The following C1orf21 variants were observed in gnomAD, a reference collection of about 807,000 sequenced individuals.
C1orf21 encodes chromosome 1 open reading frame 21, also known as uncharacterized protein C1orf21.
Under a neutral mutation model 18.7 loss-of-function variants are expected in C1orf21, and 3 were observed. The ratio of observed to expected loss-of-function variants is 0.16; its 90% confidence interval spans 0.07 to 0.42. The LOEUF is 0.42. Among genes scored for constraint, C1orf21 ranks in the 10% least tolerant of loss-of-function variants. The pLI is 0.99. For missense variants in C1orf21, 104 were observed against 143.6 expected (o/e 0.72, Z 1.41); for synonymous variants, 41 against 46.4 (o/e 0.88, Z 0.47).
chr1:184,467,987 G>GGTGTGTGTGT (rs71782493), intron 1 of C1orf21, among the ~76,000 whole-genome samples: 14 of 148,928 alleles, frequency 9.4e-5, no homozygotes, highest in African/African-American at 3.0e-4. Flanking sequence ...GAGCTTTTAT[G>GGTGTGTGTGT]GTGTGTGTGT....
chr1:184,549,749 T>A (rs531394471), intron 3 of C1orf21, among the ~76,000 whole-genome samples: 2 of 152,274 alleles, frequency 1.3e-5, no homozygotes, highest in Non-Finnish European at 2.9e-5. Flanking sequence ...TTCCTTTTAA[T>A]GAAAAATTCA....
intron 3 of C1orf21, among the ~76,000 whole-genome samples, chr1:184,561,936 C>G (rs1021866407): frequency 6.6e-6 from 1 of 152,020 alleles, no homozygotes; most frequent in Non-Finnish European, 1.5e-5. Flanking sequence ...CACTTCCCCC[C>G]ACCCCCAGTT....
rs139070874 is a variant in C1orf21 at position 184,490,865 on chromosome 1, T to C, written c.94+13262T>C. Among the ~76,000 whole-genome samples the C allele has an allele frequency of 4.2e-3, 645 of 152,258 alleles. 2 individuals carry two copies. Among genetic ancestry groups the C allele is most frequent in the Non-Finnish European group, 7.3e-3 (498 of 68,018 alleles). On this transcript the variant is annotated intron_variant, in intron 2 of 5. Coordinates refer to ENST00000235307, the MANE Select transcript of C1orf21 (RefSeq NM_030806.4). ...TCTCTGGGTGGTGCTGATTACTAGT[T>C]AGTTTTTGTACTTCTTTTATATTTT...
chr1:184,502,744 C>T (rs557308570), intron 2 of C1orf21, among the ~76,000 whole-genome samples: 71 of 152,186 alleles, frequency 4.7e-4, no homozygotes, highest in Non-Finnish European at 8.7e-4. Context: ...ACATAATTTT[C>T]CTGCTTGTTA....
chr1:184,562,974 G>A (rs576804237), intron 3 of C1orf21, among the ~76,000 whole-genome samples: 207 of 152,302 alleles, frequency 1.4e-3, no homozygotes, highest in Middle Eastern at 3.4e-3. Flanking sequence ...AGTTGTGTCA[G>A]TTCAGCATAA....
chr1:184,575,388 T>C (rs1433058683), intron 3 of C1orf21, among the ~76,000 whole-genome samples: 1 of 152,040 alleles, frequency 6.6e-6, no homozygotes, highest in Non-Finnish European at 1.5e-5. Context: ...GCCAAGAAGA[T>C]GAAGGGGTAC....
chr1:184,580,685 A>T (rs1659263582), intron 3 of C1orf21, among the ~76,000 whole-genome samples: 1 of 152,166 alleles, frequency 6.6e-6, no homozygotes, highest in Non-Finnish European at 1.5e-5. Flanking sequence ...CCATTCTTCC[A>T]CTTAAGCTTC....
At chr1:184,549,842 G>T (rs930747822) in intron 3 of C1orf21, among the ~76,000 whole-genome samples, 1 of 151,900 alleles carries the variant, frequency 6.6e-6, no homozygotes, top group Non-Finnish European at 1.5e-5. Flanking sequence ...TTTAGATAAT[G>T]TATAAATGTT....
At position 184,543,042 on chromosome 1, in the gene C1orf21, C is replaced by T. The variant is rs147402782; in HGVS notation, c.189+35360C>T. Among the ~76,000 whole-genome samples the T allele has an allele frequency of 3.2e-4, 49 of 152,332 alleles. 1 individual carries two copies. In the South Asian group the frequency reaches 4.6e-3, roughly 14 times the overall value. Reference sequence around the variant, plus strand: ...TAGAGAACCCTGAGCATGGCATCCACCTTGCTGTGGGAACCAACACTTTAA... The same window carrying T: ...TAGAGAACCCTGAGCATGGCATCCATCTTGCTGTGGGAACCAACACTTTAA... On this transcript the variant is annotated intron_variant, in intron 3 of 5. Coordinates refer to ENST00000235307, the MANE Select transcript of C1orf21 (RefSeq NM_030806.4).
At chr1:184,558,666 T>G (rs1376852010) in intron 3 of C1orf21, among the ~76,000 whole-genome samples, 1 of 152,222 alleles carries the variant, frequency 6.6e-6, no homozygotes, top group African/African-American at 2.4e-5. Flanking sequence ...TTGTTGGCCA[T>G]CTGGGATCCT....
At chr1:184,576,691 G>A (rs1659193498) in intron 3 of C1orf21, among the ~76,000 whole-genome samples, 2 of 152,214 alleles carry the variant, frequency 1.3e-5, no homozygotes, top group Admixed American at 6.5e-5. Flanking sequence ...TCCTCCCCAG[G>A]ATTACTGCAG....
chr1:184,604,414 G>A (rs1659623497), intron 5 of C1orf21, among the ~76,000 whole-genome samples: 2 of 152,158 alleles, frequency 1.3e-5, no homozygotes, highest in Non-Finnish European at 2.9e-5. Context: ...ACTCTTGCTG[G>A]CATATGTAGT....
At chr1:184,479,379 T>C (rs1657618578) in intron 2 of C1orf21, among the ~76,000 whole-genome samples, 2 of 152,208 alleles carry the variant, frequency 1.3e-5, no homozygotes, top group African/African-American at 4.8e-5. Flanking sequence ...TATGGAGCCG[T>C]CACCATGTGT....
At position 184,622,820 on chromosome 1, in the gene C1orf21, TCTCCTCA is replaced by T. The variant is rs368755731; in HGVS notation, c.*3267_*3273del. 33 of 152,188 alleles carry T rather than the reference TCTCCTCA, an allele frequency of 2.2e-4. No individual in the cohort carries two copies. Among genetic ancestry groups the T allele is most frequent in the African/African-American group, 7.7e-4 (32 of 41,508 alleles). The allele number at this position is 152,188 out of a possible 1,614,324, so 9.4% of individuals were successfully genotyped here. ...TTCAGTCTTTGTACTGGCCCCATCC[TCTCCTCA>T]CTGTAATGTGAGGAAGCACCTCTGT... On this transcript the variant is annotated 3_prime_UTR_variant, in exon 6 of 6. Transcript: ENST00000235307.
chr1:184,535,809 C>A (rs574595047), intron 3 of C1orf21, among the ~76,000 whole-genome samples: 4 of 152,182 alleles, frequency 2.6e-5, no homozygotes, highest in Non-Finnish European at 5.9e-5. Flanking sequence ...TGATTGTCTT[C>A]CTGTGGACTT....
intron 1 of C1orf21, among the ~76,000 whole-genome samples, chr1:184,441,586 C>T (rs1383719879): frequency 6.6e-6 from 1 of 152,202 alleles, no homozygotes; most frequent in Non-Finnish European, 1.5e-5. Flanking sequence ...TAAGCACATA[C>T]ATGACTTCAT....
rs147411768 is a variant in C1orf21 at position 184,547,015 on chromosome 1, G to A, written c.189+39333G>A. Among the ~76,000 whole-genome samples the A allele has an allele frequency of 6.0e-4, 91 of 152,320 alleles. 1 individual carries two copies. Among genetic ancestry groups the A allele is most frequent in the African/African-American group, 2.1e-3 (87 of 41,586 alleles). On this transcript the variant is annotated intron_variant, in intron 3 of 5. Transcript: ENST00000235307. The stretch of plus-strand genomic sequence containing the variant: ...TGAGATGAAACCTGAAGAATGAACA[G>A]CAGTAACTAAAAAATGGGAGAAGGG...
At chr1:184,451,561 T>C (rs111659015) in intron 1 of C1orf21, among the ~76,000 whole-genome samples, 150 of 148,994 alleles carry the variant, frequency 1.0e-3, no homozygotes, top group Non-Finnish European at 1.8e-3. Flanking sequence ...CATCTCGGAC[T>C]CTCAGAATGT....
chr1:184,491,878 T>C (rs1657821606), intron 2 of C1orf21, among the ~76,000 whole-genome samples: 1 of 152,250 alleles, frequency 6.6e-6, no homozygotes, highest in African/African-American at 2.4e-5. Context: ...TAATTCCATA[T>C]CTCAAGTTTA....
Sources: allele counts gnomAD v4.1 joint callset (sites outside exome capture counted in the v4.1 genomes callset), GRCh38; gene constraint gnomAD v4.1.1; transcripts MANE v1.5; gene names NCBI Gene and HGNC (gene_info 2026-07-23, HGNC 2026-07-21).